GPC6: variants seen among roughly 807,000 people sequenced by gnomAD.
The protein encoded by GPC6 is glypican 6.
In GPC6, 14 loss-of-function variants were observed where a neutral mutation model predicts 55.2. The ratio of observed to expected loss-of-function variants is 0.25; its 90% CI spans 0.17 to 0.40. The LOEUF (loss-of-function observed/expected upper bound fraction) is 0.40. Among genes scored for constraint, GPC6 ranks in the 10% least tolerant of loss-of-function variants. The pLI is 1.00. For missense variants in GPC6, 641 were observed against 708.5 expected (o/e 0.90, Z 1.08); for synonymous variants, 278 against 259.6 (o/e 1.07, Z -0.68).
At chr13:93,877,869 G>A (rs1329131038) in intron 3 of GPC6, among the ~76,000 whole-genome samples, 1 of 152,052 alleles carries the variant, frequency 6.6e-6, no homozygotes, top group Non-Finnish European at 1.5e-5. Flanking sequence ...ATAGCATGGG[G>A]TGTTGATACT....
At chr13:93,968,841 T>C (rs2140391873) in intron 3 of GPC6, among the ~76,000 whole-genome samples, 1 of 152,274 alleles carries the variant, frequency 6.6e-6, no homozygotes, top group South Asian at 2.1e-4. Context: ...TAGAGTTTAA[T>C]GTATGCTGTA....
intron 2 of GPC6, among the ~76,000 whole-genome samples, chr13:93,788,970 A>G (rs759579404): frequency 6.6e-6 from 1 of 152,154 alleles, no homozygotes; most frequent in Non-Finnish European, 1.5e-5. Context: ...GAACCAGGAG[A>G]GTAGCAGGCA....
At chr13:94,165,930 A>T (rs1273333825) in intron 4 of GPC6, among the ~76,000 whole-genome samples, 2 of 152,210 alleles carry the variant, frequency 1.3e-5, no homozygotes, top group Admixed American at 6.5e-5. Flanking sequence ...TATTTTGTGT[A>T]TATGAATTTA....
intron 4 of GPC6, among the ~76,000 whole-genome samples, chr13:94,100,817 T>C (rs544305161): frequency 1.3e-5 from 2 of 152,388 alleles, no homozygotes; most frequent in South Asian, 2.1e-4. Context: ...ATGCTAATGA[T>C]AATAATTTCT....
At chr13:93,635,073 T>C (rs1879636251) in intron 2 of GPC6, among the ~76,000 whole-genome samples, 1 of 152,090 alleles carries the variant, frequency 6.6e-6, no homozygotes, top group Non-Finnish European at 1.5e-5. Flanking sequence ...CCTATCTTTG[T>C]ATATATTTTA....
chr13:94,393,341 A>G (rs1238920664), intron 7 of GPC6, among the ~76,000 whole-genome samples: 1 of 152,118 alleles, frequency 6.6e-6, no homozygotes, highest in Non-Finnish European at 1.5e-5. Context: ...TGAGGACTAT[A>G]ATTAACCTTG....
chr13:93,783,653 A>T (rs1885730053), intron 2 of GPC6, among the ~76,000 whole-genome samples: 2 of 152,116 alleles, frequency 1.3e-5, no homozygotes. Flanking sequence ...CCATGGAGCC[A>T]CCACCCATCA....
chr13:93,452,055 A>G lies in GPC6; in HGVS notation c.161-93208A>G, dbSNP rs534340913. On this transcript the variant is annotated intron_variant, in intron 1 of 8. Coordinates refer to ENST00000377047, the MANE Select transcript of GPC6 (RefSeq NM_005708.5). The stretch of plus-strand genomic sequence containing the variant: ...GCAGTATCATTAACAATACAGCAAT[A>G]TTTTATGTTACAGTAAACTTTATTA... 3.3e-5 allele frequency among the ~76,000 whole-genome samples: 5 copies of G among 152,282 alleles called. No individual in the cohort carries two copies. In the East Asian group the frequency reaches 9.7e-4, roughly 29 times the overall value.
intron 3 of GPC6, among the ~76,000 whole-genome samples, chr13:93,903,173 T>C (rs568577266): frequency 6.6e-6 from 1 of 152,292 alleles, no homozygotes; most frequent in African/African-American, 2.4e-5. Flanking sequence ...TTTTTTTGGA[T>C]ACAGACCCCA....
chr13:93,367,456 T>C (rs932458839), intron 1 of GPC6, among the ~76,000 whole-genome samples: 1 of 152,140 alleles, frequency 6.6e-6, no homozygotes, highest in African/African-American at 2.4e-5. Context: ...TTCGTTGGTT[T>C]CTGCTTTTTA....
rs573683417 is a variant in GPC6 at position 93,912,698 on chromosome 13, G to T, written c.711+82153G>T. 8.5e-5 allele frequency among the ~76,000 whole-genome samples: 13 copies of T among 152,246 alleles called. No homozygotes were observed. The East Asian group carries it at 2.1e-3, about 25-fold the overall frequency. ...GCAGAGCTTGCAGTGAGCCGAGATT[G>T]CGCCACTGCACTCCAGCCTGGGCGA... On this transcript the variant is annotated intron_variant, in intron 3 of 8. Coordinates refer to ENST00000377047, the MANE Select transcript of GPC6 (RefSeq NM_005708.5).
intron 1 of GPC6, among the ~76,000 whole-genome samples, chr13:93,323,468 T>C (rs1472221425): frequency 6.6e-6 from 1 of 152,186 alleles, no homozygotes. Context: ...CCACCTCATT[T>C]CTTCATGAGC....
intron 2 of GPC6, among the ~76,000 whole-genome samples, chr13:93,747,857 C>T (rs149649129): frequency 2.0e-5 from 3 of 152,248 alleles, no homozygotes; most frequent in Admixed American, 1.3e-4. Flanking sequence ...CTCAAGGAGC[C>T]TCTGTATTCA....
intron 6 of GPC6, among the ~76,000 whole-genome samples, chr13:94,365,082 A>G (rs1879229026): frequency 6.6e-6 from 1 of 152,222 alleles, no homozygotes; most frequent in Non-Finnish European, 1.5e-5. Context: ...CACAAAGGAC[A>G]GAGGCCCTGC....
chr13:93,482,810 G>A (rs77419024), intron 1 of GPC6, among the ~76,000 whole-genome samples: 2,301 of 152,262 alleles, frequency 0.015, 57 homozygotes, highest in African/African-American at 0.052. Context: ...TAGCAAGTAC[G>A]TTTGTAATAA....
chr13:93,761,312 TA>T (rs1884946913), intron 2 of GPC6, among the ~76,000 whole-genome samples: 1 of 152,164 alleles, frequency 6.6e-6, no homozygotes, highest in African/African-American at 2.4e-5. Flanking sequence ...TGCTATGTAG[TA>T]TATGAGCAAA....
At chr13:93,327,353 G>A (rs1879690332) in intron 1 of GPC6, among the ~76,000 whole-genome samples, 1 of 152,070 alleles carries the variant, frequency 6.6e-6, no homozygotes, top group Non-Finnish European at 1.5e-5. Context: ...AGATGATGTG[G>A]TCTGTGTGAC....
intron 3 of GPC6, among the ~76,000 whole-genome samples, chr13:93,959,146 T>C (rs1011063993): frequency 1.7e-4 from 25 of 151,210 alleles, no homozygotes; most frequent in African/African-American, 5.8e-4. Flanking sequence ...CTACTTTTTT[T>C]TCCTAGTTGT....
chr13:94,050,443 T>C (rs17791641), intron 4 of GPC6, among the ~76,000 whole-genome samples: 20,297 of 152,216 alleles, frequency 0.13, 1,700 homozygotes, highest in South Asian at 0.26. Flanking sequence ...GTCCTTGTTA[T>C]ACATTACTCA....
Sources: gnomAD v4.1 joint callset for allele counts (sites outside exome capture counted in the v4.1 genomes callset) on GRCh38, gnomAD v4.1.1 for gene constraint, MANE v1.5 for transcripts, NCBI Gene and HGNC (gene_info 2026-07-23, HGNC 2026-07-21) for gene names.